Variants in PPP1R9A observed in about 807,000 individuals in gnomAD.
PPP1R9A encodes the protein protein phosphatase 1 regulatory subunit 9A.
A neutral mutation model predicts 141.9 loss-of-function variants in PPP1R9A; 59 were observed. The ratio of observed to expected loss-of-function variants is 0.42; its 90% CI spans 0.34 to 0.52. The LOEUF is 0.52. Among genes scored for constraint, PPP1R9A ranks in the 20% least tolerant of loss-of-function variants. PPP1R9A has a pLI of 0.10. For missense variants in PPP1R9A, 1,444 were observed against 1,611.9 expected, an observed-to-expected ratio of 0.90 and a Z score of 1.78; for synonymous variants, 500 against 569.7, an observed-to-expected ratio of 0.88 and a Z score of 1.74.
intron 4 of PPP1R9A, among the ~76,000 whole-genome samples, chr7:95,128,964 T>C (rs1186312361): frequency 6.6e-6 from 1 of 152,224 alleles, no homozygotes; most frequent in Non-Finnish European, 1.5e-5. Context: ...TTTTCGTCTA[T>C]GATTCTTATA....
chr7:95,185,063 T>C (rs978317448), intron 5 of PPP1R9A, among the ~76,000 whole-genome samples: 1 of 151,924 alleles, frequency 6.6e-6, no homozygotes, highest in African/African-American at 2.4e-5. Flanking sequence ...TTATTATACT[T>C]TAAGTTTTAG....
chr7:95,258,604 A>T (rs1216621728), intron 12 of PPP1R9A, among the ~76,000 whole-genome samples: 1 of 152,192 alleles, frequency 6.6e-6, no homozygotes, highest in African/African-American at 2.4e-5. Context: ...TATTTGTAGC[A>T]CGTATAACTA....
intron 8 of PPP1R9A, among the ~76,000 whole-genome samples, chr7:95,243,786 T>A (rs905463570): frequency 1.1e-4 from 16 of 152,002 alleles, no homozygotes; most frequent in Admixed American, 8.5e-4. Flanking sequence ...ACACCTGCCC[T>A]GCCTCCCCCA....
chr7:95,145,773 A>AC (rs1827497989), intron 4 of PPP1R9A, among the ~76,000 whole-genome samples: 1 of 152,220 alleles, frequency 6.6e-6, no homozygotes, highest in African/African-American at 2.4e-5. Context: ...TTCCTGTGTT[A>AC]GTTTGCTGAG....
At chr7:94,909,518 C>T (rs1791214779) in intron 1 of PPP1R9A, among the ~76,000 whole-genome samples, 1 of 152,268 alleles carries the variant, frequency 6.6e-6, no homozygotes, top group East Asian at 1.9e-4. Context: ...ATTTTCTGGA[C>T]AGTTTGATGA....
chr7:95,112,442 AT>A (rs1167407332), intron 3 of PPP1R9A, among the ~76,000 whole-genome samples: 2 of 152,172 alleles, frequency 1.3e-5, no homozygotes, highest in African/African-American at 4.8e-5. Flanking sequence ...AGAAAAGAAA[AT>A]GGTTAGATAC....
intron 2 of PPP1R9A, among the ~76,000 whole-genome samples, chr7:94,926,216 A>G (rs1463475105): frequency 6.6e-6 from 1 of 152,182 alleles, no homozygotes; most frequent in Non-Finnish European, 1.5e-5. Flanking sequence ...TGATTCCATT[A>G]CAGATTAAAA....
At chr7:95,258,978 A>G (rs1800024778) in intron 12 of PPP1R9A, among the ~76,000 whole-genome samples, 1 of 152,222 alleles carries the variant, frequency 6.6e-6, no homozygotes. Flanking sequence ...ACCAAAAGGC[A>G]TATTCAAAAA....
intron 5 of PPP1R9A, among the ~76,000 whole-genome samples, chr7:95,171,527 A>C (rs938028040): frequency 2.6e-5 from 4 of 151,636 alleles, no homozygotes; most frequent in African/African-American, 9.7e-5. Flanking sequence ...TATTCCACAG[A>C]TACTTTAAGG....
chr7:95,247,461 T>A lies in PPP1R9A; in HGVS notation c.2113-12T>A. Reference sequence around the variant, plus strand: ...TCTTAGTTCAGATTTTTTCTTTCTTTTCAATTTTCAGTTGCAAATCAAACA... The same window carrying A: ...TCTTAGTTCAGATTTTTTCTTTCTTATCAATTTTCAGTTGCAAATCAAACA... On this transcript the variant is annotated splice_polypyrimidine_tract_variant and intron_variant, in intron 8 of 19. Transcript: ENST00000433360. 1 of 1,600,432 alleles carries A rather than the reference T, an allele frequency of 6.2e-7. No individual in the cohort carries two copies. Among genetic ancestry groups the A allele is most frequent in the Non-Finnish European group, 8.5e-7 (1 of 1,170,156 alleles).
intron 2 of PPP1R9A, among the ~76,000 whole-genome samples, chr7:95,022,893 G>A (rs1259306905): frequency 6.6e-6 from 1 of 152,184 alleles, no homozygotes; most frequent in Non-Finnish European, 1.5e-5. Flanking sequence ...GTATTTTATT[G>A]AGGATTTTAG....
At chr7:95,189,017 A>G (rs1835068761) in intron 5 of PPP1R9A, among the ~76,000 whole-genome samples, 1 of 152,058 alleles carries the variant, frequency 6.6e-6, no homozygotes, top group Admixed American at 6.6e-5. Context: ...TATTTCTTTG[A>G]AAAATCCTTT....
At chr7:95,232,852 TA>T (rs374845347) in intron 8 of PPP1R9A, among the ~76,000 whole-genome samples, 1 of 152,064 alleles carries the variant, frequency 6.6e-6, no homozygotes, top group South Asian at 2.1e-4. Flanking sequence ...TGACAATCAT[TA>T]AAAAGTCAGG....
chr7:95,027,139 T>C (rs1806971072), intron 2 of PPP1R9A, among the ~76,000 whole-genome samples: 1 of 151,932 alleles, frequency 6.6e-6, no homozygotes, highest in Non-Finnish European at 1.5e-5. Context: ...TATGAAAAAA[T>C]ACTCCTGCAG....
At chr7:95,251,634 A>C in intron 10 of PPP1R9A, 128 bp from the exon 11 acceptor site, 1 of 830,272 alleles carries the variant, frequency 1.2e-6, no homozygotes, top group East Asian at 2.8e-5. Context: ...TTTTCCTCTA[A>C]CTGATTGAAT....
chr7:95,091,098 TTTTCTTC>T (rs1285591513), intron 2 of PPP1R9A, among the ~76,000 whole-genome samples: 1 of 152,004 alleles, frequency 6.6e-6, no homozygotes, highest in Non-Finnish European at 1.5e-5. Flanking sequence ...TAAATTTTTA[TTTTCTTC>T]TTTAAGTTCT....
chr7:95,188,474 A>G (rs191361408), intron 5 of PPP1R9A, among the ~76,000 whole-genome samples: 2 of 151,944 alleles, frequency 1.3e-5, no homozygotes, highest in African/African-American at 2.4e-5. Flanking sequence ...CCTTTAGGTC[A>G]TTTACACTCA....
chr7:95,039,030 C>T (rs189283613), intron 2 of PPP1R9A, among the ~76,000 whole-genome samples: 1 of 152,240 alleles, frequency 6.6e-6, no homozygotes, highest in Non-Finnish European at 1.5e-5. Context: ...TACCTCATTC[C>T]TATTTCCCAT....
intron 2 of PPP1R9A, among the ~76,000 whole-genome samples, chr7:94,928,439 C>T (rs549676657): frequency 1.4e-3 from 220 of 152,248 alleles, no homozygotes; most frequent in Middle Eastern, 3.4e-3. Context: ...ATCCATTGGT[C>T]CCCCATTTTT....
Sources: allele counts gnomAD v4.1 joint callset (sites outside exome capture counted in the v4.1 genomes callset), GRCh38; gene constraint gnomAD v4.1.1; transcripts MANE v1.5; gene names NCBI Gene and HGNC (gene_info 2026-07-23, HGNC 2026-07-21).